The following ZNF692 variants were observed in gnomAD, a reference collection of about 807,000 sequenced individuals.
ZNF692 encodes zinc finger protein 692.
Under a neutral mutation model 49.0 loss-of-function variants are expected in ZNF692, and 41 were observed. The ratio of observed to expected loss-of-function variants is 0.84; its 90% confidence interval spans 0.65 to 1.08. The LOEUF is 1.08. Among genes scored for constraint, ZNF692 ranks in the 50% least tolerant of loss-of-function variants. ZNF692 has a pLI of 0.00. For synonymous variants in ZNF692, 288 were observed against 251.5 expected (o/e 1.15, Z -1.37); for missense variants, 662 against 662.2 (o/e 1.00, Z 0.00).
Position 248,858,105 on chromosome 1 carries a change from C to G in ZNF692, c.179+26G>C. The G allele has an allele frequency of 6.4e-7, 1 of 1,556,720 alleles. No homozygotes were observed. The highest frequency in any genetic ancestry group is 8.7e-7 in the Non-Finnish European group (1 of 1,154,802). On this transcript the variant is annotated intron_variant, in intron 2 of 11. Transcript: ENST00000306601. This position sits in a 1 kb window ranked among gnomAD's most constrained non-coding sequence, Gnocchi z 4.3. The stretch of plus-strand genomic sequence containing the variant: ...AGGGGCTGCTGCCTGGGTACCCTCC[C>G]CCAAGCCCTTCTCCCGGCCCCTAAC...
chr1:248,856,659 T>A (rs1314659692), intron 4 of ZNF692, 97 bp from the exon 5 acceptor site: 3 of 1,471,222 alleles, frequency 2.0e-6, no homozygotes, highest in Non-Finnish European at 2.8e-6. Context: ...GACTCCTCTT[T>A]TTTTTTTAAA....
chr1:248,850,520 G>A lies in ZNF692; in HGVS notation c.1254-4C>T, dbSNP rs532940276. 1.1e-5 allele frequency: 18 copies of A among 1,602,496 alleles called. No individual in the cohort carries two copies. In the East Asian group the frequency reaches 3.8e-4, roughly 34 times the overall value. On this transcript the variant is annotated splice_polypyrimidine_tract_variant and splice_region_variant and intron_variant, in intron 11 of 11. Coordinates refer to ENST00000306601, the MANE Select transcript of ZNF692 (RefSeq NM_017865.4). ...GGTAAACCCGCATATCTCACACCTG[G>A]AGTCAGGGACAGAAGAGGGAAGGAA...
chr1:248,857,304 C>T lies in ZNF692; in HGVS notation c.405G>A (p.Lys135=). 3 of 1,614,182 alleles carry T rather than the reference C, an allele frequency of 1.9e-6. No homozygotes were observed. The highest frequency in any genetic ancestry group is 2.5e-6 in the Non-Finnish European group (3 of 1,180,026). The part of the protein sequence containing the change: ...SLSPTPSEAP[K]PASLPHTTRR... ...GAGTAGTATGTGGAAGGGAGGCTGGCTTGGGTGCCTCTGAAGGTGTAGGGC... is the reference window on the plus strand; with the variant it reads ...GAGTAGTATGTGGAAGGGAGGCTGGTTTGGGTGCCTCTGAAGGTGTAGGGC... The change falls in exon 4 of 12, where the codon AAG becomes AAA. Residue 135 remains lysine (K), a synonymous_variant. Coordinates refer to ENST00000306601, the MANE Select transcript of ZNF692 (RefSeq NM_017865.4).
chr1:248,857,790 T>G, intron 3 of ZNF692, 38 bp downstream of exon 3: 2 of 1,609,282 alleles, frequency 1.2e-6, no homozygotes, highest in Non-Finnish European at 1.7e-6. Context: ...GTGGTCCCTC[T>G]TCCCTCTGGC....
At chr1:248,850,578 G>T in intron 11 of ZNF692, 62 bp from the exon 12 acceptor site, 3 of 1,591,090 alleles carry the variant, frequency 1.9e-6, no homozygotes, top group Non-Finnish European at 2.6e-6. Flanking sequence ...TTCCCTAGGG[G>T]GTTCCTCCTG....
rs1257380945 is a variant in ZNF692 at position 248,855,869 on chromosome 1, G to C, written c.737C>G (p.Pro246Arg). 7 of 1,614,234 alleles carry C rather than the reference G, an allele frequency of 4.3e-6. No homozygotes were observed. The South Asian group carries it at 7.7e-5, about 18-fold the overall frequency. ...TPKEGETPPA[P>R]AALSSPLAVP... ...AGCAAGAGGACTGGAGAGTGCTGCA[G>C]GGGCTGGTGGTGTCTCCCCCTCTTT... Residue 246 changes from proline (P) to arginine (R), a missense_variant, in exon 7 of 12, where the codon CCT (proline) becomes CGT (arginine). By Grantham distance (103) the Pro-to-Arg change is moderately radical (BLOSUM62 -2). Transcript: ENST00000306601.
chr1:248,857,174 C>T, intron 4 of ZNF692, 60 bp downstream of exon 4: 1 of 1,516,140 alleles, frequency 6.6e-7, no homozygotes, highest in Non-Finnish European at 8.9e-7. Flanking sequence ...TTCTGAGCTA[C>T]AGAAAATGGG....
chr1:248,858,425 G>A lies in ZNF692; in HGVS notation c.-12-104C>T. The A allele has an allele frequency of 6.4e-7, 1 of 1,550,944 alleles. No homozygotes were observed. Among genetic ancestry groups the A allele is most frequent in the Admixed American group, 2.0e-5 (1 of 51,010 alleles). The stretch of plus-strand genomic sequence containing the variant: ...TCAGTTTCCTCATCAGTGAACTGGG[G>A]CAAGACTAAACTATTTCAATAGCAG... On this transcript the variant is annotated intron_variant, in intron 1 of 11. Transcript: ENST00000306601. The surrounding 1 kb of genome is among the most constrained non-coding windows in gnomAD (Gnocchi z 4.3).
rs1660176002 is a variant in ZNF692, at chr1:248,855,899, G to A, written c.707C>T (p.Thr236Ile). ...TGGTGGTGTCTCCCCCTCTTTAGGT[G>A]TGCAGGTGACAGGGGAAGGCAGTAG... ...PRLLPSPVTC[T>I]PKEGETPPAP... The change falls in exon 7 of 12, where the codon ACA becomes ATA. Residue 236 changes from threonine (T) to isoleucine (I), a missense_variant. Physicochemically the swap from Thr to Ile is moderately conservative, Grantham distance 89. Transcript: ENST00000306601. 6.2e-7 allele frequency: 1 copy of A among 1,614,146 alleles called. No individual in the cohort carries two copies.
Position 248,850,305 on chromosome 1 carries a change from A to G in ZNF692, c.1465T>C (p.Cys489Arg), listed in dbSNP as rs772946748. The change falls in exon 12 of 12, where the codon TGT (cysteine) becomes CGT (arginine). Residue 489 changes from cysteine to arginine, a missense_variant. By Grantham distance (180) the Cys-to-Arg change is radical. Transcript: ENST00000306601. Reference sequence around the variant, plus strand: ...GGCCCAGGGGCAGAGATGCTGGGACAGGGCTCTAGGGGACCACTGGGTGAC... The same window carrying G: ...GGCCCAGGGGCAGAGATGCTGGGACGGGGCTCTAGGGGACCACTGGGTGAC... ...QESPSGPLEPCPSISAPGPLG... is the reference protein window; with the variant it reads ...QESPSGPLEPRPSISAPGPLG... 6.2e-7 allele frequency: 1 copy of G among 1,612,638 alleles called. No homozygotes were observed. Among genetic ancestry groups the G allele is most frequent in the East Asian group, 2.2e-5 (1 of 44,850 alleles).
intron 9 of ZNF692, 69 bp downstream of exon 9, chr1:248,855,311 T>C: frequency 2.0e-6 from 3 of 1,494,796 alleles, no homozygotes; most frequent in East Asian, 2.3e-5. Context: ...AAGATCCTTT[T>C]CCTCAGTTTT....
chr1:248,857,112 T>G, intron 4 of ZNF692, 122 bp downstream of exon 4: 1 of 1,026,990 alleles, frequency 9.7e-7, no homozygotes, highest in South Asian at 1.6e-5. Flanking sequence ...GATGATATAT[T>G]TGTCAAGATA....
intron 10 of ZNF692, among the ~76,000 whole-genome samples, chr1:248,852,020 T>C (rs1659657136): frequency 6.6e-6 from 1 of 152,218 alleles, no homozygotes; most frequent in African/African-American, 2.4e-5. Flanking sequence ...TGTACTTGCT[T>C]GGTTAAAGCC....
In ZNF692 at chr1:248,857,216, T is replaced by C. The variant is rs372567818; in HGVS notation, c.475+18A>G. 2.5e-6 allele frequency: 4 copies of C among 1,602,716 alleles called. No homozygotes were observed. The highest frequency in any genetic ancestry group is 3.4e-6 in the Non-Finnish European group (4 of 1,173,990). Reference sequence around the variant, plus strand: ...TTTTCCTCCCTTTTCTCCATAACTCTGCTTTTTTCCAGCCTACCTGCAAGC... The same window carrying C: ...TTTTCCTCCCTTTTCTCCATAACTCCGCTTTTTTCCAGCCTACCTGCAAGC... On this transcript the variant is annotated intron_variant, in intron 4 of 11. Transcript: ENST00000306601.
At chr1:248,850,852 C>A in intron 10 of ZNF692, 71 bp from the exon 11 acceptor site, 3 of 1,335,264 alleles carry the variant, frequency 2.2e-6, no homozygotes, top group Non-Finnish European at 3.1e-6. Context: ...ACCCCACCCA[C>A]TGTCCCTCAC....
At position 248,857,507 on chromosome 1, in the gene ZNF692, T is replaced by G; in HGVS notation, c.212-10A>C. On this transcript the variant is annotated splice_polypyrimidine_tract_variant and intron_variant, in intron 3 of 11. Transcript: ENST00000306601. ...GGCAAAGGCTCAGGACCTGGAGGGG[T>G]GGGGGAAGCAGTCAGGCTGAACTGG... 1.2e-6 allele frequency: 2 copies of G among 1,606,896 alleles called. No individual in the cohort carries two copies. Among genetic ancestry groups the G allele is most frequent in the Middle Eastern group, 1.7e-4 (1 of 6,026 alleles).
At chr1:248,856,262 C>G (rs1660221642) in intron 6 of ZNF692, 26 bp downstream of exon 6, 1 of 1,559,492 alleles carries the variant, frequency 6.4e-7, no homozygotes, top group Non-Finnish European at 8.7e-7. Flanking sequence ...TCTTGCTCTG[C>G]TCATTCTCCC....
intron 9 of ZNF692, among the ~76,000 whole-genome samples, chr1:248,855,173 G>A (rs896239598): frequency 6.6e-6 from 1 of 152,194 alleles, no homozygotes; most frequent in Admixed American, 6.5e-5. Context: ...CTTGAGCAAT[G>A]CCTAACCTTT....
At position 248,852,997 on chromosome 1, in the gene ZNF692, C is replaced by G. The variant is rs79271020; in HGVS notation, c.1153+940G>C. On this transcript the variant is annotated intron_variant, in intron 10 of 11. Transcript: ENST00000306601. ...TCCTGGATGTTTAATTAGCATGTCT[C>G]AAATCAAATTTCCCTTCCCAAGCCC... 6.8e-3 allele frequency among the ~76,000 whole-genome samples: 1,038 copies of G among 152,324 alleles called. 13 individuals are homozygous for G. Among genetic ancestry groups the G allele is most frequent in the African/African-American group, 0.024 (1,005 of 41,558 alleles).
Sources: gnomAD v4.1 joint callset for allele counts (sites outside exome capture counted in the v4.1 genomes callset) on GRCh38, gnomAD v4.1.1 for gene constraint, Gnocchi (gnomAD v3.1) non-coding constraint, MANE v1.5 for transcripts, NCBI Gene and HGNC (gene_info 2026-07-23, HGNC 2026-07-21) for gene names.